INPP4B: variants seen among roughly 807,000 people sequenced by gnomAD.
INPP4B encodes the protein inositol polyphosphate 4-phosphatase type II.
In INPP4B, 55 loss-of-function variants were observed where a neutral mutation model predicts 122.5. That is an observed-to-expected ratio of 0.45 (90% CI 0.36 to 0.56). INPP4B has a LOEUF of 0.56. INPP4B is among the 20% of genes least tolerant of loss of function. The probability of loss-of-function intolerance (pLI) is 0.00; values close to 1 mark genes in which losing one functional copy is unlikely to be tolerated. For missense variants in INPP4B, 1,000 were observed against 1,097.7 expected, an observed-to-expected ratio of 0.91 and a Z score of 1.26; for synonymous variants, 403 against 388.7, an observed-to-expected ratio of 1.04 and a Z score of -0.43.
chr4:142,042,922 T>G (rs907352801), intron 25 of INPP4B, among the ~76,000 whole-genome samples: 2 of 152,152 alleles, frequency 1.3e-5, no homozygotes, highest in African/African-American at 4.8e-5. Context: ...TTCTGTTCTT[T>G]TTTGCTGCAT....
At chr4:142,430,150 T>C (rs1160630482) in intron 4 of INPP4B, among the ~76,000 whole-genome samples, 1 of 152,260 alleles carries the variant, frequency 6.6e-6, no homozygotes, top group Non-Finnish European at 1.5e-5. Context: ...AAGAATCACC[T>C]TTTTGTATAA....
At chr4:142,511,127 T>C (rs982137045) in intron 2 of INPP4B, among the ~76,000 whole-genome samples, 2 of 152,152 alleles carry the variant, frequency 1.3e-5, no homozygotes, top group African/African-American at 4.8e-5. Flanking sequence ...TTTGGTTTGT[T>C]CAATATACTA....
chr4:142,351,845 T>C (rs1782028207), intron 7 of INPP4B, among the ~76,000 whole-genome samples: 2 of 152,136 alleles, frequency 1.3e-5, no homozygotes, highest in South Asian at 2.1e-4. Flanking sequence ...GTATAATAAA[T>C]GGTCATGATC....
At chr4:142,033,230 C>A (rs1359873676) in intron 25 of INPP4B, among the ~76,000 whole-genome samples, 10 of 152,180 alleles carry the variant, frequency 6.6e-5, no homozygotes, top group African/African-American at 2.2e-4. Flanking sequence ...ACAGGGAAGG[C>A]TGGTCCATAA....
chr4:142,351,769 C>T (rs978933946), intron 7 of INPP4B, among the ~76,000 whole-genome samples: 7 of 151,890 alleles, frequency 4.6e-5, no homozygotes, highest in Non-Finnish European at 7.4e-5. Flanking sequence ...CACATCAAGG[C>T]TCTTCAATTT....
chr4:142,260,570 A>C lies in INPP4B; in HGVS notation c.616-6T>G. 6.6e-7 allele frequency: 1 copy of C among 1,517,484 alleles called. No individual in the cohort carries two copies. The highest frequency in any genetic ancestry group is 8.9e-7 in the Non-Finnish European group (1 of 1,124,976). 94.0% of individuals were successfully genotyped at this position (1,517,484 alleles called of 1,614,324 possible). ...CATTCACATACCAGGGCACACTAGG[A>C]AAAAATGTAAAAAAAAAAAAAAAAT... On this transcript the variant is annotated splice_polypyrimidine_tract_variant and splice_region_variant and intron_variant, in intron 10 of 25. Coordinates refer to ENST00000262992, the MANE Select transcript of INPP4B (RefSeq NM_001101669.3).
chr4:142,837,576 T>C lies in INPP4B; in HGVS notation c.-254+8633A>G, dbSNP rs144118070. Among the ~76,000 whole-genome samples the C allele has an allele frequency of 6.0e-3, 910 of 152,292 alleles. 5 individuals are homozygous for C. Among genetic ancestry groups the C allele is most frequent in the African/African-American group, 0.021 (867 of 41,570 alleles). On this transcript the variant is annotated intron_variant, in intron 1 of 25. Coordinates refer to ENST00000262992, the MANE Select transcript of INPP4B (RefSeq NM_001101669.3). ...AATGAGATAATATAAAGGTTTTGCATGGTAAATTGTCTATAAGAAGGGCTC... is the reference window on the plus strand; with the variant it reads ...AATGAGATAATATAAAGGTTTTGCACGGTAAATTGTCTATAAGAAGGGCTC...
intron 1 of INPP4B, among the ~76,000 whole-genome samples, chr4:142,738,286 A>G (rs1321036136): frequency 6.6e-6 from 1 of 152,232 alleles, no homozygotes; most frequent in South Asian, 2.1e-4. Flanking sequence ...GCCATAAAAA[A>G]TGATGAGTTC....
intron 2 of INPP4B, among the ~76,000 whole-genome samples, chr4:142,659,058 A>C (rs557543516): frequency 2.3e-3 from 343 of 152,286 alleles, no homozygotes; most frequent in African/African-American, 7.6e-3. Flanking sequence ...GTTTAAGACT[A>C]AATTCTATTT....
At chr4:142,035,577 G>A (rs1047853549) in intron 25 of INPP4B, among the ~76,000 whole-genome samples, 32 of 152,246 alleles carry the variant, frequency 2.1e-4, no homozygotes, top group Admixed American at 4.6e-4. Flanking sequence ...GAGGAGCAGA[G>A]GGCCAGGACA....
At chr4:142,710,798 C>T (rs1389583486) in intron 2 of INPP4B, among the ~76,000 whole-genome samples, 1 of 152,184 alleles carries the variant, frequency 6.6e-6, no homozygotes, top group East Asian at 1.9e-4. Flanking sequence ...AGATATAATA[C>T]ATTCATAGTT....
rs143465773 is a variant in INPP4B at position 142,555,611 on chromosome 4, G to A, written c.-190-92885C>T. Among the ~76,000 whole-genome samples, 408 of 152,256 alleles carry A rather than the reference G, an allele frequency of 2.7e-3. 3 individuals carry two copies. Among genetic ancestry groups the A allele is most frequent in the African/African-American group, 9.3e-3 (387 of 41,550 alleles). On this transcript the variant is annotated intron_variant, in intron 2 of 25. Coordinates refer to ENST00000262992, the MANE Select transcript of INPP4B (RefSeq NM_001101669.3). ...CGGCCAGGCGTGGTGGCTCATGCCT[G>A]TAATCCCAGCACTTTGGGAGGCCGA...
chr4:142,699,977 A>C (rs1027009739), intron 2 of INPP4B, among the ~76,000 whole-genome samples: 2 of 152,144 alleles, frequency 1.3e-5, no homozygotes, highest in African/African-American at 4.8e-5. Flanking sequence ...CAGCATACAA[A>C]CAATCTATTA....
chr4:142,260,438 A>G lies in INPP4B; in HGVS notation c.688+54T>C, dbSNP rs564390247. 3.4e-5 allele frequency: 38 copies of G among 1,107,634 alleles called. No homozygotes were observed. In the East Asian group the frequency reaches 8.0e-4, roughly 23 times the overall value. 68.6% of individuals were successfully genotyped at this position (1,107,634 alleles called of 1,614,324 possible). On this transcript the variant is annotated intron_variant, in intron 11 of 25. Coordinates refer to ENST00000262992, the MANE Select transcript of INPP4B (RefSeq NM_001101669.3). ...TGCTGGTTCAGTGTTGATTTTACAT[A>G]AAATTAAAATTCATTTTTGCATGAA...
At chr4:142,796,904 GTGTGTGTGTGTC>G (rs1415603612) in intron 1 of INPP4B, among the ~76,000 whole-genome samples, 2,456 of 145,484 alleles carry the variant, frequency 0.017, 28 homozygotes, top group Middle Eastern at 0.051. Context: ...GTGTGTGTGT[GTGTGTGTGTGTC>G]TGTGTGTAAT....
intron 1 of INPP4B, among the ~76,000 whole-genome samples, chr4:142,787,119 T>A (rs1271239218): frequency 6.6e-6 from 1 of 152,142 alleles, no homozygotes; most frequent in Non-Finnish European, 1.5e-5. Context: ...TCAATTTTGT[T>A]GTAAATCTGA....
intron 2 of INPP4B, among the ~76,000 whole-genome samples, chr4:142,494,689 TC>T (rs1164719941): frequency 6.6e-6 from 1 of 152,184 alleles, no homozygotes; most frequent in African/African-American, 2.4e-5. Flanking sequence ...ACAATAATTG[TC>T]CTCTAGGTAA....
intron 23 of INPP4B, among the ~76,000 whole-genome samples, 186 bp downstream of exon 23, chr4:142,107,907 C>T (rs537374664): frequency 1.4e-4 from 21 of 152,242 alleles, no homozygotes; most frequent in Non-Finnish European, 2.1e-4. Context: ...AGAAGGCAAT[C>T]AAGAGAATGA....
intron 2 of INPP4B, among the ~76,000 whole-genome samples, chr4:142,537,734 T>C (rs546790738): frequency 4.9e-3 from 522 of 107,212 alleles, no homozygotes; most frequent in African/African-American, 0.015. Flanking sequence ...TATGTATGTG[T>C]ATATGAGTGT....
Sources: gnomAD v4.1 joint callset for allele counts (sites outside exome capture counted in the v4.1 genomes callset) on GRCh38, gnomAD v4.1.1 for gene constraint, MANE v1.5 for transcripts, NCBI Gene and HGNC (gene_info 2026-07-23, HGNC 2026-07-21) for gene names.